Variants in DPP10 observed in about 807,000 individuals in gnomAD.
DPP10 encodes dipeptidyl peptidase like 10.
In DPP10, 33 loss-of-function variants were observed where a neutral mutation model predicts 120.9. The observed-to-expected ratio is 0.27, with a 90% CI of 0.21 to 0.37. DPP10 has a LOEUF of 0.37. Ranked by LOEUF, DPP10 falls within the 10% of genes least tolerant of loss-of-function variation. DPP10 has a pLI of 1.00. For missense variants in DPP10, 816 were observed against 942.8 expected (o/e 0.87, Z 1.76); for synonymous variants, 337 against 326.1 (o/e 1.03, Z -0.36).
At chr2:115,840,846 C>A in intron 25 of DPP10, 23 bp downstream of exon 25, 1 of 1,597,460 alleles carries the variant, frequency 6.3e-7, no homozygotes, top group Non-Finnish European at 8.6e-7. Flanking sequence ...CTTAGAAGAA[C>A]GTGTTTTCCT....
At chr2:114,983,533 T>G (rs1257213303) in intron 1 of DPP10, among the ~76,000 whole-genome samples, 2 of 152,168 alleles carry the variant, frequency 1.3e-5, no homozygotes, top group African/African-American at 4.8e-5. Flanking sequence ...ATATAATTGG[T>G]TCCATTAAGC....
rs539375560 is a variant in DPP10 at position 114,869,145 on chromosome 2, A to C, written c.60+426307A>C. On this transcript the variant is annotated intron_variant, in intron 1 of 25. Coordinates refer to ENST00000410059, the MANE Select transcript of DPP10 (RefSeq NM_020868.6). Reference sequence around the variant, plus strand: ...CACTGTACTTTATTTACAAAATAAAAATATGCAATTGGGAATTAGTTTCAG... The same window carrying C: ...CACTGTACTTTATTTACAAAATAAACATATGCAATTGGGAATTAGTTTCAG... Among the ~76,000 whole-genome samples the C allele has an allele frequency of 2.0e-5, 3 of 152,300 alleles. No homozygotes were observed. In the South Asian group the frequency reaches 6.2e-4, roughly 32 times the overall value.
chr2:114,493,657 A>C (rs1682203038), intron 1 of DPP10, among the ~76,000 whole-genome samples: 1 of 152,190 alleles, frequency 6.6e-6, no homozygotes, highest in African/African-American at 2.4e-5. Flanking sequence ...ATTACCATAA[A>C]AAAACTGAAC....
At chr2:114,764,924 C>T (rs748696298) in intron 1 of DPP10, among the ~76,000 whole-genome samples, 2 of 152,046 alleles carry the variant, frequency 1.3e-5, no homozygotes, top group Non-Finnish European at 2.9e-5. Flanking sequence ...GTTATTGTGA[C>T]CTTGAGGGGT....
At chr2:115,067,517 G>C (rs1706981521) in intron 1 of DPP10, among the ~76,000 whole-genome samples, 2 of 149,234 alleles carry the variant, frequency 1.3e-5, no homozygotes, top group Non-Finnish European at 3.0e-5. Context: ...CTCCCAAAGT[G>C]CTGGGATCAC....
At chr2:115,166,981 A>G (rs762897146) in intron 1 of DPP10, among the ~76,000 whole-genome samples, 2 of 152,204 alleles carry the variant, frequency 1.3e-5, no homozygotes, top group Non-Finnish European at 2.9e-5. Context: ...ATTTTGTGCT[A>G]TCAACAACAA....
intron 3 of DPP10, among the ~76,000 whole-genome samples, chr2:115,355,580 T>C (rs1450972294): frequency 2.0e-5 from 3 of 152,220 alleles, no homozygotes; most frequent in African/African-American, 7.2e-5. Flanking sequence ...ATTTGTCAAT[T>C]TTCCTTTTGT....
intron 3 of DPP10, among the ~76,000 whole-genome samples, chr2:115,420,839 C>T (rs558809888): frequency 2.0e-5 from 3 of 152,046 alleles, no homozygotes; most frequent in Non-Finnish European, 4.4e-5. Flanking sequence ...GGGAAAATAT[C>T]GAATACCTAA....
At chr2:114,769,066 C>T (rs1036065040) in intron 1 of DPP10, among the ~76,000 whole-genome samples, 1 of 152,078 alleles carries the variant, frequency 6.6e-6, no homozygotes, top group African/African-American at 2.4e-5. Context: ...CATCTCTCTG[C>T]TTGCTGCTTA....
intron 1 of DPP10, among the ~76,000 whole-genome samples, chr2:114,847,378 C>T (rs1361581256): frequency 1.3e-5 from 2 of 152,158 alleles, no homozygotes; most frequent in Non-Finnish European, 1.5e-5. Context: ...CCTTTTATCT[C>T]CAGGTAAAGG....
intron 1 of DPP10, among the ~76,000 whole-genome samples, chr2:114,552,238 A>G (rs1414351868): frequency 6.6e-6 from 1 of 152,230 alleles, no homozygotes; most frequent in Non-Finnish European, 1.5e-5. Flanking sequence ...AGAGTGTGTC[A>G]TGAGGATTGG....
At chr2:114,958,122 T>C (rs1698346582) in intron 1 of DPP10, among the ~76,000 whole-genome samples, 1 of 151,916 alleles carries the variant, frequency 6.6e-6, no homozygotes, top group African/African-American at 2.4e-5. Context: ...AACAAATTTA[T>C]AGACAAAAAA....
At chr2:115,801,484 T>G (rs1049008025) in intron 19 of DPP10, among the ~76,000 whole-genome samples, 1 of 151,916 alleles carries the variant, frequency 6.6e-6, no homozygotes, top group Non-Finnish European at 1.5e-5. Flanking sequence ...TGAATGGGAG[T>G]GGTGAGAGAA....
chr2:115,014,106 T>C (rs993637709), intron 1 of DPP10, among the ~76,000 whole-genome samples: 3 of 152,144 alleles, frequency 2.0e-5, no homozygotes, highest in African/African-American at 7.2e-5. Context: ...AAAACATTCC[T>C]CAGCAAATGC....
At chr2:115,802,725 A>C (rs1244463869) in intron 19 of DPP10, among the ~76,000 whole-genome samples, 1 of 152,054 alleles carries the variant, frequency 6.6e-6, no homozygotes, top group South Asian at 2.1e-4. Flanking sequence ...TTTAGTTTCC[A>C]TGTAGTTGAG....
At chr2:115,690,864 G>A (rs1048321035) in intron 7 of DPP10, among the ~76,000 whole-genome samples, 8 of 152,132 alleles carry the variant, frequency 5.3e-5, no homozygotes, top group African/African-American at 1.4e-4. Flanking sequence ...TTTGTTAAGC[G>A]TGTTTACACC....
chr2:115,664,484 A>T (rs1465798466), intron 5 of DPP10, among the ~76,000 whole-genome samples: 1 of 152,088 alleles, frequency 6.6e-6, no homozygotes, highest in Admixed American at 6.6e-5. Flanking sequence ...TGCTTAATGT[A>T]TATCTCCCAC....
At chr2:115,570,433 T>C (rs1208707050) in intron 5 of DPP10, among the ~76,000 whole-genome samples, 1 of 152,156 alleles carries the variant, frequency 6.6e-6, no homozygotes, top group Non-Finnish European at 1.5e-5. Flanking sequence ...TATACTTCAT[T>C]AAGGGTAAAA....
chr2:115,082,334 T>C (rs1207479981), intron 1 of DPP10, among the ~76,000 whole-genome samples: 1 of 152,166 alleles, frequency 6.6e-6, no homozygotes, highest in Non-Finnish European at 1.5e-5. Context: ...GGCTTCGTGC[T>C]CTTTTAGCTC....
Sources: gnomAD v4.1 joint callset for allele counts (sites outside exome capture counted in the v4.1 genomes callset) on GRCh38, gnomAD v4.1.1 for gene constraint, MANE v1.5 for transcripts, NCBI Gene and HGNC (gene_info 2026-07-23, HGNC 2026-07-21) for gene names.